Variants in SHPK observed in about 807,000 individuals in gnomAD.
SHPK encodes carbohydrate kinase-like protein.
SHPK carries 51 observed loss-of-function variants against 46.3 expected under a neutral mutation model. That is an observed-to-expected ratio of 1.10 (90% CI 0.88 to 1.39). SHPK has a LOEUF of 1.39. Among genes scored for constraint, SHPK ranks in the 40% most tolerant of loss-of-function variants. The pLI, the probability that SHPK is intolerant of heterozygous loss-of-function variation, is 0.00. For missense variants in SHPK, 668 were observed against 641.3 expected (o/e 1.04, Z -0.45); for synonymous variants, 290 against 273.9 (o/e 1.06, Z -0.58).
intron 2 of SHPK, among the ~76,000 whole-genome samples, chr17:3,625,508 G>A (rs528983093): frequency 2.0e-5 from 3 of 152,240 alleles, no homozygotes; most frequent in African/African-American, 4.8e-5. Context: ...CCGGCAGACC[G>A]TTTCCAGGTG....
chr17:3,617,905 T>C (rs1370976608), intron 5 of SHPK, among the ~76,000 whole-genome samples: 2 of 152,244 alleles, frequency 1.3e-5, no homozygotes, highest in Non-Finnish European at 2.9e-5. Context: ...TCTTATGCCT[T>C]CGTCAAAATC....
At position 3,624,236 on chromosome 17, in the gene SHPK, A is replaced by T. The variant is rs529303788; in HGVS notation, c.311-5T>A. 2.5e-6 allele frequency: 4 copies of T among 1,595,922 alleles called. 1 individual carries two copies. In the African/African-American group the frequency reaches 4.0e-5, roughly 16 times the overall value. On this transcript the variant is annotated splice_region_variant and splice_polypyrimidine_tract_variant and intron_variant, in intron 2 of 6. Transcript: ENST00000225519. ...CTCCCTCTGTCCATTCACAGCCTGG[A>T]ACAAAAGAGATGACCAAAAATGAAG...
Position 3,626,059 on chromosome 17 carries a change from A to G in SHPK, c.311-1828T>C, listed in dbSNP as rs920472047. ...CAGAGTGAGGCTCCATCTCAGAAAA[A>G]CAAAACAAACAAAAAAATGCTACTC... is the stretch of plus-strand genomic sequence containing the variant. On this transcript the variant is annotated intron_variant, in intron 2 of 6. Transcript: ENST00000225519. Among the ~76,000 whole-genome samples, 19 of 152,100 alleles carry G rather than the reference A, an allele frequency of 1.2e-4. 1 individual carries two copies. Among genetic ancestry groups the G allele is most frequent in the Admixed American group, 6.5e-5 (1 of 15,268 alleles).
At chr17:3,619,837 C>G (rs2075389699) in intron 5 of SHPK, 1 of 408,392 alleles carries the variant, frequency 2.4e-6, no homozygotes, top group Admixed American at 2.9e-5. Context: ...AGCTTGGTTC[C>G]TCTCCTCTGC....
rs1257149068 is a variant in SHPK, at chr17:3,615,524, G to T, written c.837C>A (p.Ser279Arg). The change falls in exon 6 of 7, where the codon AGC (serine) becomes AGA (arginine). Residue 279 changes from serine (S) to arginine (R), a missense_variant. Coordinates refer to ENST00000225519, the MANE Select transcript of SHPK (RefSeq NM_013276.4). ...TGGAGGCTGCCAGCTGAACCGAGGT[G>T]CTGATGTTGAGAACTGGGGTCCGAA... ...AQRTDAVLNI[S>R]TSVQLAASMP... 1 of 1,614,210 alleles carries T rather than the reference G, an allele frequency of 6.2e-7. No individual in the cohort carries two copies. The highest frequency in any genetic ancestry group is 8.5e-7 in the Non-Finnish European group (1 of 1,180,016).
At chr17:3,624,322 A>G (rs1236288156) in intron 2 of SHPK, 91 bp from the exon 3 acceptor site, 1 of 1,186,224 alleles carries the variant, frequency 8.4e-7, no homozygotes, top group Non-Finnish European at 1.2e-6. Context: ...GAGTGACAAA[A>G]TATGTGCGAA....
Position 3,609,316 on chromosome 17 carries a change from G to A in SHPK, c.*1244C>T, listed in dbSNP as rs1235495054. ...AGACAATATGTTTCATACCTGTCAT[G>A]GATACTGAGAGAGAGAGAGAGAGAG... is the stretch of plus-strand genomic sequence containing the variant. On this transcript the variant is annotated 3_prime_UTR_variant, in exon 7 of 7. Transcript: ENST00000225519. 1 of 93,862 alleles carries A rather than the reference G, an allele frequency of 1.1e-5. No individual in the cohort carries two copies. Among genetic ancestry groups the A allele is most frequent in the African/African-American group, 4.1e-5 (1 of 24,158 alleles). The allele number at this position is 93,862 out of a possible 1,614,324, so 5.8% of individuals were successfully genotyped here. A position where few individuals can be genotyped will look rare whatever the true frequency, so the allele number is the denominator to read the frequency against.
chr17:3,617,077 G>A (rs1376313650), intron 5 of SHPK, among the ~76,000 whole-genome samples: 1 of 151,940 alleles, frequency 6.6e-6, no homozygotes, highest in Non-Finnish European at 1.5e-5. Context: ...TCACCATGTT[G>A]GCCAGGCTGG....
At chr17:3,635,971 G>T in intron 1 of SHPK, 81 bp downstream of exon 1, 1 of 1,335,838 alleles carries the variant, frequency 7.5e-7, no homozygotes. Context: ...TGCGGGAAGG[G>T]CTGTCAGGGA....
intron 5 of SHPK, chr17:3,619,563 T>C (rs2075387962): frequency 2.2e-6 from 1 of 452,278 alleles, no homozygotes; most frequent in Admixed American, 3.4e-5. Context: ...TGAAACCCCG[T>C]GTCTACTAAA....
chr17:3,635,267 G>T (rs957997408), intron 1 of SHPK, among the ~76,000 whole-genome samples: 1 of 147,978 alleles, frequency 6.8e-6, no homozygotes, highest in African/African-American at 2.5e-5. Flanking sequence ...AAGGAGTCTC[G>T]CTCTGTCACC....
At chr17:3,625,411 C>T (rs1268953596) in intron 2 of SHPK, among the ~76,000 whole-genome samples, 1 of 152,196 alleles carries the variant, frequency 6.6e-6, no homozygotes, top group African/African-American at 2.4e-5. Flanking sequence ...GCCTCTTACA[C>T]CAGTCTCTCT....
At chr17:3,630,113 A>G (rs1038825823) in intron 2 of SHPK, 92 bp downstream of exon 2, 18 of 1,513,112 alleles carry the variant, frequency 1.2e-5, no homozygotes, top group Admixed American at 6.7e-5. Context: ...ACTGCAGGAT[A>G]ACCCGACCCT....
intron 1 of SHPK, among the ~76,000 whole-genome samples, chr17:3,630,605 T>A (rs1344874209): frequency 6.6e-6 from 1 of 152,172 alleles, no homozygotes; most frequent in African/African-American, 2.4e-5. Flanking sequence ...AAGCCTATAA[T>A]CCCAGCACTT....
chr17:3,615,613 G>C (rs1399650949), intron 5 of SHPK, 76 bp from the exon 6 acceptor site: 1 of 1,334,276 alleles, frequency 7.5e-7, no homozygotes, highest in East Asian at 2.4e-5. Flanking sequence ...GGCAGTGAGA[G>C]GGGGTGGCCT....
Position 3,623,385 on chromosome 17 carries a change from T to G in SHPK, c.601A>C (p.Ser201Arg). The G allele has an allele frequency of 1.2e-6, 2 of 1,614,226 alleles. No homozygotes were observed. The highest frequency in any genetic ancestry group is 1.7e-6 in the Non-Finnish European group (2 of 1,180,026). ...CTCTGCGTGTTGAAATAGCCCCAGC[T>G]GGCAGCATTCTGGTCGGACATCAGA... ...RPLMSDQNAASWGYFNTQSQS... is the reference protein window; with the variant it reads ...RPLMSDQNAARWGYFNTQSQS... The change falls in exon 4 of 7, where the codon AGC becomes CGC. Residue 201 changes from serine (S) to arginine (R), a missense_variant. Coordinates refer to ENST00000225519, the MANE Select transcript of SHPK (RefSeq NM_013276.4).
rs368093612 is a variant in SHPK, at chr17:3,633,140, G to A, written c.169-2794C>T. On this transcript the variant is annotated intron_variant, in intron 1 of 6. Transcript: ENST00000225519. ...ATTACAAGCACGCATCACCACGCCC[G>A]GCTAATTTTTGTTATTTTGTAGTAG... Among the ~76,000 whole-genome samples, 139 of 151,342 alleles carry A rather than the reference G, an allele frequency of 9.2e-4. 7 individuals carry two copies. The South Asian group carries it at 0.023, about 25-fold the overall frequency.
At chr17:3,635,193 TGAAGGAAGGAAGGAAG>T (rs1555555958) in intron 1 of SHPK, among the ~76,000 whole-genome samples, 1 of 60,532 alleles carries the variant, frequency 1.7e-5, no homozygotes, top group African/African-American at 9.7e-5. Flanking sequence ...AAGGAAAGAA[TGAAGGAAGGAAGGAAG>T]GAAGGAAGGA....
At chr17:3,625,855 C>T (rs369456759) in intron 2 of SHPK, among the ~76,000 whole-genome samples, 17 of 152,306 alleles carry the variant, frequency 1.1e-4, no homozygotes, top group Admixed American at 6.5e-4. Flanking sequence ...GAGTTCGAGA[C>T]CAGCCTGGAC....
Sources: gnomAD v4.1 joint callset for allele counts (sites outside exome capture counted in the v4.1 genomes callset) on GRCh38, gnomAD v4.1.1 for gene constraint, MANE v1.5 for transcripts, NCBI Gene and HGNC (gene_info 2026-07-23, HGNC 2026-07-21) for gene names.